Variants in RNF220 observed in about 807,000 individuals in gnomAD.
RNF220 encodes ring finger protein 220.
In RNF220, 7 loss-of-function variants were observed where a neutral mutation model predicts 67.1. The observed-to-expected ratio is 0.10, with a 90% CI of 0.06 to 0.20. The LOEUF (loss-of-function observed/expected upper bound fraction) is 0.20. Ranked by LOEUF, RNF220 falls within the 10% of genes least tolerant of loss-of-function variation. The pLI is 1.00. For missense variants in RNF220, 565 were observed against 740.3 expected, an observed-to-expected ratio of 0.76 and a Z score of 2.75; for synonymous variants, 270 against 283.2, an observed-to-expected ratio of 0.95 and a Z score of 0.47.
At chr1:44,499,189 C>T (rs1657611065) in intron 2 of RNF220, among the ~76,000 whole-genome samples, 1 of 152,194 alleles carries the variant, frequency 6.6e-6, no homozygotes, top group Admixed American at 6.5e-5. Flanking sequence ...ATCTCACCAT[C>T]AGAGCTTCCC....
chr1:44,407,048 G>A (rs1343503935), intron 1 of RNF220, among the ~76,000 whole-genome samples: 1 of 152,230 alleles, frequency 6.6e-6, no homozygotes, highest in African/African-American at 2.4e-5. Context: ...GAGAGCCCGT[G>A]TTCCGGCCCT....
At chr1:44,584,946 A>C (rs2148353849) in intron 2 of RNF220, among the ~76,000 whole-genome samples, 1 of 152,224 alleles carries the variant, frequency 6.6e-6, no homozygotes, top group East Asian at 1.9e-4. Flanking sequence ...TGATCTGCCC[A>C]CTTCCGCCTC....
chr1:44,522,460 A>G (rs776120080), intron 2 of RNF220, among the ~76,000 whole-genome samples: 9 of 152,252 alleles, frequency 5.9e-5, no homozygotes, highest in Admixed American at 3.3e-4. Context: ...TTTGAGTTAC[A>G]GAAGACTTCT....
At chr1:44,488,745 T>C in intron 2 of RNF220, among the ~76,000 whole-genome samples, 1 of 147,374 alleles carries the variant, frequency 6.8e-6, no homozygotes, top group Non-Finnish European at 1.5e-5. Flanking sequence ...TTTTTTTTTT[T>C]TTTGAGACGG....
intron 8 of RNF220, among the ~76,000 whole-genome samples, chr1:44,637,716 C>T (rs1181523314): frequency 6.6e-6 from 1 of 152,216 alleles, no homozygotes; most frequent in African/African-American, 2.4e-5. Context: ...GGCTCTTAGG[C>T]CCCGGGCGGG....
Position 44,470,381 on chromosome 1 carries a change from A to C in RNF220, c.625+57659A>C, listed in dbSNP as rs539691481. Among the ~76,000 whole-genome samples the C allele has an allele frequency of 2.9e-4, 44 of 152,372 alleles. No homozygotes were observed. The East Asian group carries it at 3.5e-3, about 12-fold the overall frequency. Reference sequence around the variant, plus strand: ...AGCTTTGAGATGCTTTTGAGAGTACACATCAGTCAGTTGGCAACATTTATT... The same window carrying C: ...AGCTTTGAGATGCTTTTGAGAGTACCCATCAGTCAGTTGGCAACATTTATT... On this transcript the variant is annotated intron_variant, in intron 2 of 14. Coordinates refer to ENST00000361799, the MANE Select transcript of RNF220 (RefSeq NM_018150.4).
At chr1:44,501,208 TG>T (rs1657833454) in intron 2 of RNF220, among the ~76,000 whole-genome samples, 1 of 14,564 alleles carries the variant, frequency 6.9e-5, no homozygotes. Flanking sequence ...TCTACATTGC[TG>T]GGGGTGGGGA....
intron 2 of RNF220, among the ~76,000 whole-genome samples, chr1:44,445,133 G>A (rs1651945068): frequency 6.6e-6 from 1 of 152,050 alleles, no homozygotes; most frequent in Non-Finnish European, 1.5e-5. Flanking sequence ...CTTTTCATAT[G>A]TTTATTGGCC....
chr1:44,632,868 G>A lies in RNF220; in HGVS notation c.949+483G>A, dbSNP rs904225902. On this transcript the variant is annotated intron_variant, in intron 6 of 14. Transcript: ENST00000361799. ...ACTAACTCATCCCAGGGCTCTTTGA[G>A]TTATCAGTCGGCCCACATTTCACAA... The A allele has an allele frequency of 4.3e-5, 7 of 163,586 alleles. No individual in the cohort carries two copies. In the South Asian group the frequency reaches 1.1e-3, roughly 25 times the overall value. The allele number at this position is 163,586 out of a possible 1,614,324, so 10.1% of individuals were successfully genotyped here.
chr1:44,650,104 A>G lies in RNF220; in HGVS notation c.1629+147A>G, dbSNP rs1644751646. On this transcript the variant is annotated intron_variant, in intron 14 of 14. Coordinates refer to ENST00000361799, the MANE Select transcript of RNF220 (RefSeq NM_018150.4). This position sits in a 1 kb window ranked among gnomAD's most constrained non-coding sequence, Gnocchi z 4.3. ...GAGCCAGGATATTTACCCGCAGGATATTTACCCCCAGGCTCGCTGCCTCTC... is the reference window on the plus strand; with the variant it reads ...GAGCCAGGATATTTACCCGCAGGATGTTTACCCCCAGGCTCGCTGCCTCTC... 5 of 827,018 alleles carry G rather than the reference A, an allele frequency of 6.0e-6. No homozygotes were observed. The South Asian group carries it at 6.9e-5, about 11-fold the overall frequency. The allele number at this position is 827,018 out of a possible 1,614,324, so 51.2% of individuals were successfully genotyped here. A position where few individuals can be genotyped will look rare whatever the true frequency, so the allele number is the denominator to read the frequency against.
chr1:44,619,424 T>C (rs1192858172), intron 3 of RNF220, among the ~76,000 whole-genome samples: 1 of 152,102 alleles, frequency 6.6e-6, no homozygotes, highest in African/African-American at 2.4e-5. Flanking sequence ...CCTCGGTGTT[T>C]GGTTGGGTAA....
In RNF220 at chr1:44,650,918, ACAC is replaced by A; in HGVS notation, c.*144_*146del. 1 of 703,198 alleles carries A rather than the reference ACAC, an allele frequency of 1.4e-6. No individual in the cohort carries two copies. Among genetic ancestry groups the A allele is most frequent in the Non-Finnish European group, 2.5e-6 (1 of 398,862 alleles). 43.6% of individuals were successfully genotyped at this position (703,198 alleles called of 1,614,324 possible). On this transcript the variant is annotated 3_prime_UTR_variant, in exon 15 of 15. Transcript: ENST00000361799. The surrounding 1 kb of genome is among the most constrained non-coding windows in gnomAD (Gnocchi z 4.3). ...CATACTCAAACATGCGTACACACACACACATTTACACACGCAGGACTCTGGAGC... is the reference window on the plus strand; with the variant it reads ...CATACTCAAACATGCGTACACACACAATTTACACACGCAGGACTCTGGAGC...
intron 1 of RNF220, among the ~76,000 whole-genome samples, chr1:44,406,157 G>C (rs1012667473): frequency 1.3e-5 from 2 of 152,238 alleles, no homozygotes; most frequent in African/African-American, 2.4e-5. Context: ...GATACCCGGG[G>C]AGTGGCTGTT....
intron 2 of RNF220, among the ~76,000 whole-genome samples, chr1:44,515,509 T>G (rs932419801): frequency 6.6e-6 from 1 of 152,202 alleles, no homozygotes; most frequent in East Asian, 1.9e-4. Context: ...AACTGAGGCA[T>G]TTGGGGTTTC....
At chr1:44,631,929 T>C in intron 5 of RNF220, 1 of 988,176 alleles carries the variant, frequency 1.0e-6, no homozygotes, top group Non-Finnish European at 1.2e-6. Flanking sequence ...CATTGTGAAC[T>C]TTCACCCCCA....
intron 5 of RNF220, chr1:44,627,035 CAAAAAAAAAAAAA>C (rs59977929): frequency 0.49 from 21,576 of 44,222 alleles, 2,932 homozygotes; most frequent in Middle Eastern, 0.55. Context: ...GACTCCATCT[CAAAAAAAAAAAAA>C]AAAAAAAAAA....
intron 5 of RNF220, chr1:44,631,940 G>A (rs943902805): frequency 2.0e-6 from 2 of 989,302 alleles, no homozygotes; most frequent in Admixed American, 1.2e-4. Flanking sequence ...TTCACCCCCA[G>A]CGCGCGACGG....
At chr1:44,557,718 T>A (rs1412569435) in intron 2 of RNF220, among the ~76,000 whole-genome samples, 2 of 152,248 alleles carry the variant, frequency 1.3e-5, no homozygotes, top group Non-Finnish European at 2.9e-5. Flanking sequence ...GGCCACGGTA[T>A]AAAATCACCT....
At chr1:44,501,501 C>A (rs1455942899) in intron 2 of RNF220, among the ~76,000 whole-genome samples, 1 of 152,018 alleles carries the variant, frequency 6.6e-6, no homozygotes, top group Non-Finnish European at 1.5e-5. Context: ...TTTCCCTTCC[C>A]GGGCCCAGGT....
Sources: gnomAD v4.1 joint callset for allele counts (sites outside exome capture counted in the v4.1 genomes callset) on GRCh38, gnomAD v4.1.1 for gene constraint, Gnocchi (gnomAD v3.1) non-coding constraint, MANE v1.5 for transcripts, NCBI Gene and HGNC (gene_info 2026-07-23, HGNC 2026-07-21) for gene names.